Variants in PKP4 observed in about 807,000 individuals in gnomAD.
PKP4 encodes the protein plakophilin 4, also known as plakophilin-4.
In PKP4, 90 loss-of-function variants were observed where a neutral mutation model predicts 145.1. The ratio of observed to expected loss-of-function variants is 0.62; its 90% CI spans 0.52 to 0.74. PKP4 has a LOEUF of 0.74. PKP4 is among the 30% of genes least tolerant of loss of function. The pLI is 0.00. For synonymous variants in PKP4, 563 were observed against 577.2 expected (o/e 0.98, Z 0.35); for missense variants, 1,340 against 1,482.7 (o/e 0.90, Z 1.58).
chr2:158,515,851 G>T (rs1052391931), intron 1 of PKP4, among the ~76,000 whole-genome samples: 12 of 152,160 alleles, frequency 7.9e-5, no homozygotes, highest in African/African-American at 2.9e-4. Context: ...TTCAAGACCA[G>T]CCTGGCTAAC....
chr2:158,522,655 G>T (rs112938928), intron 1 of PKP4, among the ~76,000 whole-genome samples: 12,825 of 152,220 alleles, frequency 0.084, 737 homozygotes, highest in Middle Eastern at 0.21. Flanking sequence ...GAACAGCTCC[G>T]GTCTACAGCT....
At position 158,642,675 on chromosome 2, in the gene PKP4, G is replaced by A; in HGVS notation, c.1885G>A (p.Ala629Thr). The stretch of plus-strand genomic sequence containing the variant: ...GCGACTGTTGAGAAAATCTATTGAT[G>A]CAGAAGTAAGGGAGCTTGTTACAGG... ...LLRLLRKSID[A>T]EVRELVTGVL... The change falls in exon 11 of 22, where the codon GCA becomes ACA. Residue 629 changes from alanine (A) to threonine (T), a missense_variant. Coordinates refer to ENST00000389759, the MANE Select transcript of PKP4 (RefSeq NM_003628.6). 1 of 1,608,138 alleles carries A rather than the reference G, an allele frequency of 6.2e-7. No homozygotes were observed. Among genetic ancestry groups the A allele is most frequent in the Non-Finnish European group, 8.5e-7 (1 of 1,176,176 alleles).
At chr2:158,501,821 G>A (rs1284260012) in intron 1 of PKP4, among the ~76,000 whole-genome samples, 3 of 152,192 alleles carry the variant, frequency 2.0e-5, no homozygotes, top group African/African-American at 7.2e-5. Context: ...TCACCATGCA[G>A]ATGTTTGGCT....
In PKP4 at chr2:158,669,724, A is replaced by G; in HGVS notation, c.2733A>G (p.Lys911=). The G allele has an allele frequency of 6.4e-7, 1 of 1,561,766 alleles. No homozygotes were observed. Among genetic ancestry groups the G allele is most frequent in the Middle Eastern group, 1.7e-4 (1 of 5,822 alleles). Residue 911 remains lysine (K), a synonymous_variant, in exon 17 of 22, where the codon AAA becomes AAG. Coordinates refer to ENST00000389759, the MANE Select transcript of PKP4 (RefSeq NM_003628.6). The stretch of plus-strand genomic sequence containing the variant: ...TTACTCTTTTGCCGTTGGCAGGCAA[A>G]TACGCCATGCGAGACCTGGTCAACC... ...LDVRNKELIG[K]YAMRDLVNRL... is the part of the protein sequence containing the mutation.
At chr2:158,482,661 C>T (rs572258195) in intron 1 of PKP4, among the ~76,000 whole-genome samples, 24 of 152,118 alleles carry the variant, frequency 1.6e-4, no homozygotes, top group African/African-American at 5.8e-4. Flanking sequence ...CACAGGGAGA[C>T]CCTATCTCTA....
intron 1 of PKP4, among the ~76,000 whole-genome samples, chr2:158,499,916 T>C (rs969705139): frequency 6.6e-6 from 1 of 152,204 alleles, no homozygotes; most frequent in Admixed American, 6.5e-5. Context: ...TCCAGACTTG[T>C]ATTTGCAACT....
At chr2:158,645,515 GT>G (rs2054737672) in intron 11 of PKP4, among the ~76,000 whole-genome samples, 1 of 152,152 alleles carries the variant, frequency 6.6e-6, no homozygotes, top group African/African-American at 2.4e-5. Flanking sequence ...CCTGTGTCAT[GT>G]CCAGTTGTCT....
chr2:158,565,432 T>TA (rs2046885325), intron 2 of PKP4, among the ~76,000 whole-genome samples: 1 of 95,320 alleles, frequency 1.0e-5, no homozygotes, highest in Non-Finnish European at 2.3e-5. Flanking sequence ...TTCTTCTTTT[T>TA]TCCTTTTTTT....
Position 158,640,721 on chromosome 2 carries a change from C to T in PKP4, c.1657C>T (p.Gln553Ter). 1 of 1,614,146 alleles carries T rather than the reference C, an allele frequency of 6.2e-7. No homozygotes were observed. The highest frequency in any genetic ancestry group is 8.5e-7 in the Non-Finnish European group (1 of 1,179,996). The change falls in exon 10 of 22, where the codon CAG (glutamine) becomes TAG (stop). Residue 553 changes from glutamine to a stop codon, truncating the protein, a stop_gained. Coordinates refer to ENST00000389759, the MANE Select transcript of PKP4 (RefSeq NM_003628.6). LOFTEE classifies it high-confidence loss of function. ...TCAGGCAAATGCAGCGGCCTACCTG[C>T]AGCACCTGTGCTTTGGTGACAACAA... ...SVQANAAAYLQHLCFGDNKVK... is the reference protein window; with the variant it reads ...SVQANAAAYL
At chr2:158,579,119 T>C (rs553535404) in intron 3 of PKP4, among the ~76,000 whole-genome samples, 160 of 152,294 alleles carry the variant, frequency 1.1e-3, no homozygotes, top group Admixed American at 3.2e-3. Context: ...CAAATGTAAC[T>C]ATCCACATTG....
chr2:158,626,798 T>C (rs950651406), intron 7 of PKP4, among the ~76,000 whole-genome samples: 4 of 152,170 alleles, frequency 2.6e-5, no homozygotes, highest in African/African-American at 9.6e-5. Context: ...AACGACTTTA[T>C]TTCATTTTGT....
Position 158,625,423 on chromosome 2 carries a change from G to C in PKP4, c.1149G>C (p.Leu383=). The change falls in exon 7 of 22, where the codon CTG becomes CTC. Residue 383 remains leucine, a synonymous_variant. Transcript: ENST00000389759. ...ERMVPPRPDS[L]TGLRSSYASQ... ...TGGTTCCACCCAGGCCAGACAGCCT[G>C]ACAGGTGCGTACAAGGTGACAGTGC... 6.2e-7 allele frequency: 1 copy of C among 1,608,342 alleles called. No homozygotes were observed. The highest frequency in any genetic ancestry group is 1.7e-5 in the Admixed American group (1 of 59,842).
chr2:158,671,896 G>C (rs2057594494), intron 17 of PKP4, among the ~76,000 whole-genome samples: 1 of 152,236 alleles, frequency 6.6e-6, no homozygotes. Context: ...TGAGCACAGA[G>C]CTGGAGGAGG....
At chr2:158,651,819 A>G (rs3771667) in intron 11 of PKP4, among the ~76,000 whole-genome samples, 30,984 of 151,908 alleles carry the variant, frequency 0.2, 4,063 homozygotes, top group Middle Eastern at 0.37. Context: ...TGTCCCCGGC[A>G]ATGACACATT....
chr2:158,510,905 A>G (rs2041449329), intron 1 of PKP4, among the ~76,000 whole-genome samples: 1 of 152,228 alleles, frequency 6.6e-6, no homozygotes, highest in Non-Finnish European at 1.5e-5. Flanking sequence ...AGATTTCTTT[A>G]GTGATTGATC....
intron 4 of PKP4, among the ~76,000 whole-genome samples, chr2:158,609,871 G>A (rs1049559577): frequency 7.9e-5 from 12 of 152,112 alleles, no homozygotes; most frequent in African/African-American, 2.9e-4. Context: ...AGTTAAGGAG[G>A]GTAGGACATT....
chr2:158,490,237 T>G (rs1031076521), intron 1 of PKP4, among the ~76,000 whole-genome samples: 4 of 152,216 alleles, frequency 2.6e-5, no homozygotes, highest in Non-Finnish European at 4.4e-5. Flanking sequence ...GCCAACAGAT[T>G]GGTCAGTGCA....
intron 1 of PKP4, among the ~76,000 whole-genome samples, chr2:158,484,249 T>G (rs945684566): frequency 6.6e-6 from 1 of 151,800 alleles, no homozygotes; most frequent in Non-Finnish European, 1.5e-5. Context: ...GGGTTTCACC[T>G]TGTTAGCCAG....
chr2:158,619,473 C>A (rs1035797596), intron 4 of PKP4, among the ~76,000 whole-genome samples: 1 of 152,322 alleles, frequency 6.6e-6, no homozygotes, highest in East Asian at 1.9e-4. Context: ...GGAAACAAAA[C>A]CTTGAATTGA....
Sources: gnomAD v4.1 joint callset for allele counts (sites outside exome capture counted in the v4.1 genomes callset) on GRCh38, gnomAD v4.1.1 for gene constraint, MANE v1.5 for transcripts, NCBI Gene and HGNC (gene_info 2026-07-23, HGNC 2026-07-21) for gene names.